NASP: variants seen among roughly 807,000 people sequenced by gnomAD.
NASP encodes the protein nuclear autoantigenic sperm protein, also known as NASP histone chaperone.
Under a neutral mutation model 89.5 loss-of-function variants are expected in NASP, and 24 were observed. That is an observed-to-expected ratio of 0.27 (90% CI 0.19 to 0.38). The LOEUF (loss-of-function observed/expected upper bound fraction) is 0.38. Among genes scored for constraint, NASP ranks in the 10% least tolerant of loss-of-function variants. The pLI, the probability that NASP is intolerant of heterozygous loss-of-function variation, is 1.00. For missense variants in NASP, 848 were observed against 921.4 expected (o/e 0.92, Z 1.03); for synonymous variants, 306 against 324.7 (o/e 0.94, Z 0.62).
At chr1:45,597,642 T>C (rs542741737) in intron 2 of NASP, among the ~76,000 whole-genome samples, 1 of 152,320 alleles carries the variant, frequency 6.6e-6, no homozygotes, top group Admixed American at 6.5e-5. Context: ...ATTTTAGTTT[T>C]AATTTCAGTA....
In NASP at chr1:45,584,044, T is replaced by A. The variant is rs1370146800; in HGVS notation, c.-103T>A. 1 of 1,132,172 alleles carries A rather than the reference T, an allele frequency of 8.8e-7. No individual in the cohort carries two copies. The highest frequency in any genetic ancestry group is 2.3e-5 in the Admixed American group (1 of 43,600). 70.1% of individuals were successfully genotyped at this position (1,132,172 alleles called of 1,614,324 possible). A position where few individuals can be genotyped will look rare whatever the true frequency, so the allele number is the denominator to read the frequency against. On this transcript the variant is annotated 5_prime_UTR_variant, in exon 1 of 15. Transcript: ENST00000350030. ...AAGGGCCCCGGCCGCGCGGGGTCTC[T>A]AATCTGCCATTTTCTGTCCCTGAGT... is the stretch of plus-strand genomic sequence containing the variant.
At chr1:45,588,887 CA>C (rs1643436852) in intron 1 of NASP, 1 of 227,730 alleles carries the variant, frequency 4.4e-6, no homozygotes, top group African/African-American at 2.4e-5. Context: ...CGCGCCACTG[CA>C]CTCCAGCCTG....
At chr1:45,586,278 GTGTGTGGTGTGTGTGTGT>G (rs1644541133) in intron 1 of NASP, among the ~76,000 whole-genome samples, 1 of 45,582 alleles carries the variant, frequency 2.2e-5, no homozygotes, top group African/African-American at 7.5e-5. Context: ...GTGTGTGTGT[GTGTGTGGTGTGTGTGTGT>G]GTGTGTGTGT....
intron 1 of NASP, among the ~76,000 whole-genome samples, chr1:45,584,688 G>A (rs1483117490): frequency 6.6e-6 from 1 of 152,122 alleles, no homozygotes; most frequent in African/African-American, 2.4e-5. Flanking sequence ...GGGGTGGGCG[G>A]GGCCTTGCTG....
chr1:45,587,114 G>A (rs577338919), intron 1 of NASP, among the ~76,000 whole-genome samples: 1 of 152,154 alleles, frequency 6.6e-6, no homozygotes, highest in Admixed American at 6.5e-5. Context: ...AAGCAGTATT[G>A]TTTAAGGTGA....
chr1:45,594,044 A>G (rs1243093141), intron 2 of NASP, among the ~76,000 whole-genome samples: 1 of 151,688 alleles, frequency 6.6e-6, no homozygotes, highest in African/African-American at 2.4e-5. Context: ...AAAAAAGGAA[A>G]GAAACAAAAT....
At chr1:45,584,574 C>G (rs1241686574) in intron 1 of NASP, among the ~76,000 whole-genome samples, 1 of 152,042 alleles carries the variant, frequency 6.6e-6, no homozygotes, top group Non-Finnish European at 1.5e-5. Flanking sequence ...CAGCGTGTGC[C>G]TCTGGTAGAA....
chr1:45,616,449 G>A (rs956505851), intron 12 of NASP, 56 bp downstream of exon 12: 8 of 1,578,536 alleles, frequency 5.1e-6, no homozygotes, highest in Non-Finnish European at 7.0e-6. Context: ...GTTGGCTCAT[G>A]CCTGTAATCC....
At chr1:45,617,636 C>T in intron 14 of NASP, 45 bp downstream of exon 14, 1 of 1,531,588 alleles carries the variant, frequency 6.5e-7, no homozygotes, top group Non-Finnish European at 8.7e-7. Context: ...ATTCCTTGTT[C>T]TCAGGACCTG....
rs1165422146 is a variant in NASP, at chr1:45,616,392, T to A, written c.2078T>A (p.Met693Lys). 1.2e-6 allele frequency: 2 copies of A among 1,613,844 alleles called. No individual in the cohort carries two copies. Among genetic ancestry groups the A allele is most frequent in the Non-Finnish European group, 1.7e-6 (2 of 1,179,810 alleles). ...GGTGGAGGAGGCTCTTCAGTCTCCA[T>A]GGTGCGTATTCAGGTGGTTTTTTGG... ...TPGGGGSSVS[M>K]IASRKPTDGA... The change falls in exon 12 of 15, where the codon ATG becomes AAG. Residue 693 changes from methionine (M) to lysine (K), a missense_variant and splice_region_variant. Physicochemically the swap from Met to Lys is moderately conservative, Grantham distance 95. This residue lies in a region of NASP where 218 missense variants were observed against 219.6 expected (regional missense o/e 0.99). Coordinates refer to ENST00000350030, the MANE Select transcript of NASP (RefSeq NM_002482.4).
rs1643942106 is a variant in NASP, at chr1:45,608,145, G to A, written c.1234G>A (p.Glu412Lys). 1 of 1,614,118 alleles carries A rather than the reference G, an allele frequency of 6.2e-7. No individual in the cohort carries two copies. The highest frequency in any genetic ancestry group is 8.5e-7 in the Non-Finnish European group (1 of 1,179,996). Residue 412 changes from glutamate (E) to lysine (K), a missense_variant, in exon 6 of 15, where the codon GAG becomes AAG. By Grantham distance (56) the Glu-to-Lys change is moderately conservative. Coordinates refer to ENST00000350030, the MANE Select transcript of NASP (RefSeq NM_002482.4). ...TETKDGSGLE[E>K]KVRAKLVPSQ... is the part of the protein sequence containing the mutation. ...AACAAAAGATGGCTCAGGACTAGAG[G>A]AGAAGGTCAGGGCAAAGCTGGTTCC... is the stretch of plus-strand genomic sequence containing the variant.
intron 1 of NASP, among the ~76,000 whole-genome samples, chr1:45,586,309 G>GGTGTGT (rs879377284): frequency 7.4e-6 from 1 of 135,998 alleles, no homozygotes; most frequent in African/African-American, 2.8e-5. Context: ...GTGTGTGTGT[G>GGTGTGT]GTGTGTGTGT....
intron 5 of NASP, 91 bp downstream of exon 5, chr1:45,606,682 G>A (rs1394796610): frequency 1.1e-5 from 9 of 849,124 alleles, no homozygotes; most frequent in Non-Finnish European, 1.7e-5. Flanking sequence ...TGTCCTGGAT[G>A]GTCTCTCCTA....
At chr1:45,584,249 G>A (rs1644493507) in intron 1 of NASP, 44 bp downstream of exon 1, 1 of 1,534,640 alleles carries the variant, frequency 6.5e-7, no homozygotes, top group East Asian at 2.4e-5. Flanking sequence ...CCAGTCCGCG[G>A]GGAGGGCTAA....
chr1:45,613,998 G>A (rs114747394), intron 7 of NASP, 98 bp from the exon 8 acceptor site: 21,493 of 929,594 alleles, frequency 0.023, 323 homozygotes, highest in Non-Finnish European at 0.029. Context: ...TCCAAATTTT[G>A]AATCGTATAT....
intron 6 of NASP, chr1:45,611,775 A>G (rs915254494): frequency 6.0e-5 from 9 of 150,160 alleles, no homozygotes; most frequent in Admixed American, 5.3e-4. Flanking sequence ...AGCCATTGCC[A>G]TTACTTTAAA....
chr1:45,615,728 G>T, intron 11 of NASP: 1 of 412,542 alleles, frequency 2.4e-6, no homozygotes, highest in Non-Finnish European at 4.3e-6. Flanking sequence ...GATAATACAG[G>T]TTGAGTATCC....
chr1:45,598,193 T>G (rs995344612), intron 2 of NASP, among the ~76,000 whole-genome samples: 1 of 139,076 alleles, frequency 7.2e-6, no homozygotes, highest in African/African-American at 2.7e-5. Flanking sequence ...TTTTTTGAGA[T>G]GGAGTCTTGC....
chr1:45,606,643 G>C, intron 5 of NASP, 52 bp downstream of exon 5: 3 of 1,275,644 alleles, frequency 2.4e-6, no homozygotes, highest in Non-Finnish European at 3.4e-6. Flanking sequence ...TATATTTCTT[G>C]TATACAGTGG....
Sources: allele counts gnomAD v4.1 joint callset (sites outside exome capture counted in the v4.1 genomes callset), GRCh38; gene constraint gnomAD v4.1.1; regional missense constraint gnomAD v4.1.1; transcripts MANE v1.5; gene names NCBI Gene and HGNC (gene_info 2026-07-23, HGNC 2026-07-21).